Variants in FHIT observed in about 807,000 individuals in gnomAD.
The protein encoded by FHIT is fragile histidine triad diadenosine triphosphatase.
FHIT carries 19 observed loss-of-function variants against 17.9 expected under a neutral mutation model. That is an observed-to-expected ratio of 1.06 (90% CI 0.74 to 1.56). The LOEUF (loss-of-function observed/expected upper bound fraction) is 1.56. FHIT is among the 40% of genes most tolerant of loss of function. The probability of loss-of-function intolerance (pLI) is 0.00; values close to 1 mark genes in which losing one functional copy is unlikely to be tolerated. For synonymous variants in FHIT, 81 were observed against 69.7 expected (o/e 1.16, Z -0.81); for missense variants, 248 against 189.2 (o/e 1.31, Z -1.82).
At chr3:60,957,646 G>A (rs1470304647) in intron 3 of FHIT, among the ~76,000 whole-genome samples, 1 of 152,196 alleles carries the variant, frequency 6.6e-6, no homozygotes, top group Non-Finnish European at 1.5e-5. Flanking sequence ...AGGCCCTCCT[G>A]TGTCAATTTC....
intron 4 of FHIT, among the ~76,000 whole-genome samples, chr3:60,619,043 T>C (rs2039037220): frequency 6.6e-6 from 1 of 152,162 alleles, no homozygotes; most frequent in Admixed American, 6.5e-5. Flanking sequence ...ATGATAAATT[T>C]GTGTTGTTTG....
chr3:60,053,039 C>T (rs1450525307), intron 5 of FHIT, among the ~76,000 whole-genome samples: 1 of 151,878 alleles, frequency 6.6e-6, no homozygotes, highest in Admixed American at 6.6e-5. Context: ...GTTCCCCATG[C>T]TTCAGGCATG....
intron 5 of FHIT, among the ~76,000 whole-genome samples, chr3:60,414,376 T>C (rs541694772): frequency 6.6e-6 from 1 of 152,180 alleles, no homozygotes; most frequent in South Asian, 2.1e-4. Context: ...TGAGCTGAGG[T>C]TGGAAGAGTA....
intron 5 of FHIT, among the ~76,000 whole-genome samples, chr3:60,241,894 G>C (rs1444231219): frequency 2.0e-4 from 31 of 151,986 alleles, no homozygotes; most frequent in Admixed American, 2.0e-3. Flanking sequence ...TAGTAATTTT[G>C]TAATTCATTA....
At chr3:60,359,268 T>G (rs1407205570) in intron 5 of FHIT, among the ~76,000 whole-genome samples, 1 of 149,758 alleles carries the variant, frequency 6.7e-6, no homozygotes, top group Non-Finnish European at 1.5e-5. Flanking sequence ...TACTTGAATA[T>G]GAAAATATCT....
chr3:60,300,753 T>C (rs1334310910), intron 5 of FHIT, among the ~76,000 whole-genome samples: 5 of 152,082 alleles, frequency 3.3e-5, no homozygotes, highest in Non-Finnish European at 7.4e-5. Flanking sequence ...CAACTATTGA[T>C]CCATGTGCAC....
chr3:61,140,935 T>A (rs1395487491), intron 2 of FHIT, among the ~76,000 whole-genome samples: 1 of 152,176 alleles, frequency 6.6e-6, no homozygotes, highest in African/African-American at 2.4e-5. Flanking sequence ...TGGTTCACAG[T>A]CCTCGCTGGG....
intron 3 of FHIT, among the ~76,000 whole-genome samples, chr3:60,865,815 A>G (rs1704134256): frequency 6.6e-6 from 1 of 152,198 alleles, no homozygotes; most frequent in East Asian, 1.9e-4. Flanking sequence ...CTTGAGAAAC[A>G]TCTATTTCTT....
At chr3:60,799,332 G>T (rs190948437) in intron 4 of FHIT, among the ~76,000 whole-genome samples, 326 of 152,264 alleles carry the variant, frequency 2.1e-3, no homozygotes, top group Non-Finnish European at 4.0e-3. Flanking sequence ...GTGCCACCAT[G>T]CCCAGCTAAT....
rs373815906 is a variant in FHIT, at chr3:61,111,162, G to C, written c.-163-69063C>G. On this transcript the variant is annotated intron_variant, in intron 2 of 9. Coordinates refer to ENST00000492590, the MANE Select transcript of FHIT (RefSeq NM_002012.4). Reference sequence around the variant, plus strand: ...TGATAGCTACCCCTAAAGCAGAGATGGTCTTGAGCATATCATTTACCCACT... The same window carrying C: ...TGATAGCTACCCCTAAAGCAGAGATCGTCTTGAGCATATCATTTACCCACT... Among the ~76,000 whole-genome samples the C allele has an allele frequency of 2.6e-5, 4 of 152,128 alleles. No homozygotes were observed. In the South Asian group the frequency reaches 6.2e-4, roughly 24 times the overall value.
intron 5 of FHIT, among the ~76,000 whole-genome samples, chr3:60,080,014 G>A (rs1223913719): frequency 6.6e-6 from 1 of 152,098 alleles, no homozygotes; most frequent in Non-Finnish European, 1.5e-5. Flanking sequence ...GATGTAGAAT[G>A]TTGAAAACTC....
chr3:60,015,688 G>A (rs17061812), intron 5 of FHIT, among the ~76,000 whole-genome samples: 15,812 of 152,052 alleles, frequency 0.1, 1,231 homozygotes, highest in East Asian at 0.3. Context: ...AGCTTCCAAC[G>A]AAGTCCATAA....
intron 5 of FHIT, among the ~76,000 whole-genome samples, chr3:60,327,520 G>A (rs184248688): frequency 1.3e-5 from 2 of 152,116 alleles, no homozygotes; most frequent in South Asian, 2.1e-4. Context: ...GACCAGATGT[G>A]GCCCAGAGCT....
intron 5 of FHIT, among the ~76,000 whole-genome samples, chr3:60,464,447 A>G (rs1325510028): frequency 3.3e-5 from 5 of 152,112 alleles, no homozygotes; most frequent in Non-Finnish European, 7.4e-5. Flanking sequence ...GCTATCAAAT[A>G]CTAGATCTTA....
At chr3:60,796,749 T>C (rs1700994616) in intron 4 of FHIT, among the ~76,000 whole-genome samples, 1 of 152,276 alleles carries the variant, frequency 6.6e-6, no homozygotes, top group African/African-American at 2.4e-5. Flanking sequence ...ACTCAACTAA[T>C]GTTTGTATTT....
chr3:60,222,719 T>C (rs1704018434), intron 5 of FHIT, among the ~76,000 whole-genome samples: 1 of 152,132 alleles, frequency 6.6e-6, no homozygotes, highest in African/African-American at 2.4e-5. Context: ...ACTATGCTGA[T>C]GGTTTGACTA....
At chr3:60,124,614 A>C (rs1222337965) in intron 5 of FHIT, among the ~76,000 whole-genome samples, 1 of 152,212 alleles carries the variant, frequency 6.6e-6, no homozygotes. Flanking sequence ...TTCTTTAATC[A>C]AAGTGTCATC....
At chr3:60,583,815 A>G (rs1012980882) in intron 4 of FHIT, among the ~76,000 whole-genome samples, 3 of 152,026 alleles carry the variant, frequency 2.0e-5, no homozygotes, top group Non-Finnish European at 4.4e-5. Context: ...ATGTATCCCC[A>G]GATACCATCA....
At chr3:59,907,532 G>A (rs1412965314) in intron 8 of FHIT, among the ~76,000 whole-genome samples, 1 of 152,166 alleles carries the variant, frequency 6.6e-6, no homozygotes, top group African/African-American at 2.4e-5. Context: ...GTTTCAAGCT[G>A]GATAATGGAC....
Sources: allele counts gnomAD v4.1 joint callset (sites outside exome capture counted in the v4.1 genomes callset), GRCh38; gene constraint gnomAD v4.1.1; transcripts MANE v1.5; gene names NCBI Gene and HGNC (gene_info 2026-07-23, HGNC 2026-07-21).